The following PEAK1 variants were observed in gnomAD, a reference collection of about 807,000 sequenced individuals.
PEAK1 encodes pseudopodium enriched atypical kinase 1.
In PEAK1, 54 loss-of-function variants were observed where a neutral mutation model predicts 124.7. That is an observed-to-expected ratio of 0.43 (90% CI 0.35 to 0.54). The LOEUF (loss-of-function observed/expected upper bound fraction) is 0.54. Among genes scored for constraint, PEAK1 ranks in the 20% least tolerant of loss-of-function variants. The pLI, the probability that PEAK1 is intolerant of heterozygous loss-of-function variation, is 0.01. For synonymous variants in PEAK1, 719 were observed against 760.0 expected, an observed-to-expected ratio of 0.95 and a Z score of 0.89; for missense variants, 2,046 against 2,134.5, an observed-to-expected ratio of 0.96 and a Z score of 0.82.
At chr15:77,349,984 A>C (rs559490036) in intron 2 of PEAK1, 1 of 984,858 alleles carries the variant, frequency 1.0e-6, no homozygotes, top group Non-Finnish European at 1.2e-6. Flanking sequence ...AGGATCAAGC[A>C]TTATAGGAAG....
At chr15:77,258,942 T>C (rs1015023229) in intron 5 of PEAK1, among the ~76,000 whole-genome samples, 6 of 152,230 alleles carry the variant, frequency 3.9e-5, no homozygotes, top group Admixed American at 2.6e-4. Flanking sequence ...TGAAGGGTTG[T>C]TGAATTTTGT....
At chr15:77,136,099 C>T (rs2053299370) in intron 8 of PEAK1, among the ~76,000 whole-genome samples, 1 of 152,152 alleles carries the variant, frequency 6.6e-6, no homozygotes, top group Admixed American at 6.5e-5. Context: ...GACAAAAGTG[C>T]TGATAGTGAT....
rs527722880 is a variant in PEAK1, at chr15:77,217,585, G to A, written c.-115+34782C>T. Among the ~76,000 whole-genome samples the A allele has an allele frequency of 2.3e-4, 35 of 152,218 alleles. 1 individual carries two copies. In the South Asian group the frequency reaches 5.4e-3, roughly 23 times the overall value. On this transcript the variant is annotated intron_variant, in intron 6 of 9. Coordinates refer to ENST00000682557, the MANE Select transcript of PEAK1 (RefSeq NM_001385026.1). Reference sequence around the variant, plus strand: ...GTTTTCATTAGGCATCTACCTCATAGTTCTGGTTTGGTTCCTTCCGACTTC... The same window carrying A: ...GTTTTCATTAGGCATCTACCTCATAATTCTGGTTTGGTTCCTTCCGACTTC...
chr15:77,253,380 A>G (rs971770909), intron 5 of PEAK1, among the ~76,000 whole-genome samples: 1 of 152,162 alleles, frequency 6.6e-6, no homozygotes, highest in South Asian at 2.1e-4. Context: ...TCATAATGAT[A>G]CCATTCAACT....
At chr15:77,348,184 G>GAA (rs371641400) in intron 2 of PEAK1, 1,060 of 844,360 alleles carry the variant, frequency 1.3e-3, no homozygotes, top group South Asian at 1.3e-3. Context: ...CACATGCTAA[G>GAA]AAAAAAAAAA....
At chr15:77,216,627 A>G (rs971917112) in intron 6 of PEAK1, among the ~76,000 whole-genome samples, 5 of 152,220 alleles carry the variant, frequency 3.3e-5, no homozygotes, top group Non-Finnish European at 2.9e-5. Flanking sequence ...CTGCACTGGC[A>G]GTCCATTCAC....
chr15:77,286,541 A>G, intron 2 of PEAK1, 37 bp from the exon 3 acceptor site: 1 of 1,046,628 alleles, frequency 9.6e-7, no homozygotes, highest in Non-Finnish European at 1.2e-6. Context: ...ATATATTAAT[A>G]AAGGGCATTT....
intron 6 of PEAK1, among the ~76,000 whole-genome samples, chr15:77,191,439 G>A (rs947825535): frequency 6.6e-6 from 1 of 152,064 alleles, no homozygotes; most frequent in Non-Finnish European, 1.5e-5. Flanking sequence ...TGGGCACTTG[G>A]GAAGCTATTT....
chr15:77,149,707 G>A (rs771654991), intron 8 of PEAK1, among the ~76,000 whole-genome samples: 1 of 151,682 alleles, frequency 6.6e-6, no homozygotes, highest in African/African-American at 2.4e-5. Flanking sequence ...CAAGTATATA[G>A]ACACTTGAGC....
intron 2 of PEAK1, chr15:77,338,085 T>C (rs2066308713): frequency 1.5e-5 from 15 of 983,580 alleles, no homozygotes; most frequent in Non-Finnish European, 1.8e-5. Context: ...TCAAACTGTA[T>C]ACCAATGAAA....
intron 1 of PEAK1, among the ~76,000 whole-genome samples, chr15:77,382,155 TG>T (rs2069536890): frequency 6.6e-6 from 1 of 152,142 alleles, no homozygotes; most frequent in Admixed American, 6.5e-5. Flanking sequence ...TTAACTTTAG[TG>T]GGGCAAGAGT....
intron 1 of PEAK1, chr15:77,418,397 T>C (rs2073063256): frequency 1.0e-6 from 1 of 985,242 alleles, no homozygotes; most frequent in Non-Finnish European, 1.2e-6. Context: ...AAAGACATGA[T>C]AAAATATTTC....
chr15:77,226,864 A>G (rs975192934), intron 6 of PEAK1, among the ~76,000 whole-genome samples: 2 of 152,180 alleles, frequency 1.3e-5, no homozygotes, highest in Non-Finnish European at 2.9e-5. Flanking sequence ...AAGGAAACTG[A>G]AGTTCAGAGA....
chr15:77,328,802 A>T (rs888911997), intron 2 of PEAK1, among the ~76,000 whole-genome samples: 8 of 152,210 alleles, frequency 5.3e-5, no homozygotes, highest in African/African-American at 1.9e-4. Context: ...GGAGCAAAGG[A>T]ATTATTTTCA....
chr15:77,305,455 G>A (rs113130406), intron 2 of PEAK1, among the ~76,000 whole-genome samples: 7 of 152,246 alleles, frequency 4.6e-5, no homozygotes, highest in African/African-American at 1.7e-4. Flanking sequence ...GGCCAGAGGC[G>A]AAGGTCTATA....
intron 1 of PEAK1, chr15:77,370,739 C>T: frequency 7.1e-6 from 7 of 985,034 alleles, no homozygotes; most frequent in Non-Finnish European, 8.4e-6. Context: ...ACATAAAAAT[C>T]CAACACATCG....
At chr15:77,313,243 A>G (rs1026244115) in intron 2 of PEAK1, among the ~76,000 whole-genome samples, 7 of 152,182 alleles carry the variant, frequency 4.6e-5, no homozygotes, top group Non-Finnish European at 7.3e-5. Flanking sequence ...AGAACTTCCA[A>G]TGGTTAAAGC....
chr15:77,305,564 T>G (rs1475389031), intron 2 of PEAK1, among the ~76,000 whole-genome samples: 2 of 152,154 alleles, frequency 1.3e-5, no homozygotes, highest in African/African-American at 4.8e-5. Flanking sequence ...AAAGAAGAGA[T>G]AATTACTATG....
intron 1 of PEAK1, among the ~76,000 whole-genome samples, chr15:77,391,016 C>G (rs949615127): frequency 6.6e-6 from 1 of 152,138 alleles, no homozygotes. Flanking sequence ...CTGTCCCCAT[C>G]AGGATTTTAG....
Sources: allele counts gnomAD v4.1 joint callset (sites outside exome capture counted in the v4.1 genomes callset), GRCh38; gene constraint gnomAD v4.1.1; transcripts MANE v1.5; gene names NCBI Gene and HGNC (gene_info 2026-07-23, HGNC 2026-07-21).